The following WDR89 variants were observed in gnomAD, a reference collection of about 807,000 sequenced individuals.
WDR89 encodes the protein WD repeat-containing protein 89.
WDR89 carries 17 observed loss-of-function variants against 29.1 expected under a neutral mutation model. That is an observed-to-expected ratio of 0.58 (90% CI 0.40 to 0.88). WDR89 has a LOEUF of 0.88. Ranked by LOEUF, WDR89 falls within the 40% of genes least tolerant of loss-of-function variation. WDR89 has a pLI of 0.00. For synonymous variants in WDR89, 138 were observed against 157.8 expected, an observed-to-expected ratio of 0.87 and a Z score of 0.94; for missense variants, 396 against 456.3, an observed-to-expected ratio of 0.87 and a Z score of 1.20.
At chr14:63,607,717 A>G (rs1021992518) in intron 2 of WDR89, among the ~76,000 whole-genome samples, 1 of 151,450 alleles carries the variant, frequency 6.6e-6, no homozygotes, top group Admixed American at 6.6e-5. Context: ...ACCCATCTCT[A>G]CTAAAAATAC....
At chr14:63,636,674 C>G (rs893490843) in intron 1 of WDR89, among the ~76,000 whole-genome samples, 1 of 152,114 alleles carries the variant, frequency 6.6e-6, no homozygotes, top group Non-Finnish European at 1.5e-5. Flanking sequence ...GAAAGGACAC[C>G]CTTTTCAACA....
Position 63,599,096 on chromosome 14 carries a change from G to C in WDR89, c.847C>G (p.His283Asp). ...ALDYLIGGLY[H>D]EKTDTLHVIG... ...ACATGCAATGTGTCTGTCTTTTCATGATATAGGCCACCAATCAAATAGTCC... is the reference window on the plus strand; with the variant it reads ...ACATGCAATGTGTCTGTCTTTTCATCATATAGGCCACCAATCAAATAGTCC... Residue 283 changes from histidine to aspartate, a missense_variant, in exon 3 of 3, where the codon CAT becomes GAT. By Grantham distance (81) the His-to-Asp change is moderately conservative (BLOSUM62 -1). Transcript: ENST00000620954. 1.2e-6 allele frequency: 2 copies of C among 1,614,058 alleles called. No individual in the cohort carries two copies. The highest frequency in any genetic ancestry group is 1.7e-6 in the Non-Finnish European group (2 of 1,180,016).
At chr14:63,623,837 C>G (rs1256452758) in intron 2 of WDR89, among the ~76,000 whole-genome samples, 1 of 150,996 alleles carries the variant, frequency 6.6e-6, no homozygotes, top group African/African-American at 2.4e-5. Flanking sequence ...CAAGACCCAA[C>G]TATATGCTAT....
At chr14:63,615,513 A>T (rs866282804) in intron 2 of WDR89, among the ~76,000 whole-genome samples, 9 of 152,274 alleles carry the variant, frequency 5.9e-5, no homozygotes, top group African/African-American at 2.2e-4. Context: ...CCTGTTACAG[A>T]ATGATGTTAA....
Position 63,599,106 on chromosome 14 carries a change from A to G in WDR89, c.837T>C (p.Gly279=). Residue 279 remains glycine (G), a synonymous_variant, in exon 3 of 3, where the codon GGT becomes GGC. Transcript: ENST00000620954. ...TGTCTGTCTTTTCATGATATAGGCCACCAATCAAATAGTCCAAAGCATCTT... is the reference window on the plus strand; with the variant it reads ...TGTCTGTCTTTTCATGATATAGGCCGCCAATCAAATAGTCCAAAGCATCTT... The part of the protein sequence containing the change: ...MKEDALDYLI[G]GLYHEKTDTL... The G allele has an allele frequency of 6.2e-7, 1 of 1,614,114 alleles. No individual in the cohort carries two copies.
At chr14:63,627,182 T>C (rs940820693) in intron 1 of WDR89, among the ~76,000 whole-genome samples, 9 of 138,390 alleles carry the variant, frequency 6.5e-5, no homozygotes, top group African/African-American at 1.6e-4. Flanking sequence ...TCTCTCTCTC[T>C]CCTCTCTAAA....
In WDR89 at chr14:63,598,776, T is replaced by C; in HGVS notation, c.*3A>G. ...CCTACCAAACAAAGTGCCAAATGCA[T>C]TATCACTGCTTTTTCCTTCTTTTAT... On this transcript the variant is annotated 3_prime_UTR_variant, in exon 3 of 3. Transcript: ENST00000620954. 4 of 1,571,490 alleles carry C rather than the reference T, an allele frequency of 2.5e-6. No homozygotes were observed. The highest frequency in any genetic ancestry group is 2.2e-5 in the East Asian group (1 of 44,550).
At chr14:63,625,396 C>CGG (rs879257040) in intron 1 of WDR89, among the ~76,000 whole-genome samples, 13,938 of 152,132 alleles carry the variant, frequency 0.092, 1,252 homozygotes, top group African/African-American at 0.24. Flanking sequence ...ATTCATCAAA[C>CGG]TACATACTTA....
At chr14:63,607,344 T>A (rs1895365826) in intron 2 of WDR89, among the ~76,000 whole-genome samples, 1 of 152,006 alleles carries the variant, frequency 6.6e-6, no homozygotes, top group Non-Finnish European at 1.5e-5. Flanking sequence ...TTTGTATTTT[T>A]AGTAGAGACG....
At chr14:63,628,199 T>C (rs1036430212) in intron 1 of WDR89, among the ~76,000 whole-genome samples, 1 of 152,202 alleles carries the variant, frequency 6.6e-6, no homozygotes, top group African/African-American at 2.4e-5. Context: ...AGGTGAACCA[T>C]GATCACTCCA....
At chr14:63,622,796 T>A (rs948445862) in intron 2 of WDR89, among the ~76,000 whole-genome samples, 9 of 152,012 alleles carry the variant, frequency 5.9e-5, no homozygotes, top group Admixed American at 5.2e-4. Context: ...ATAAAATGCA[T>A]GACAATAATA....
chr14:63,640,959 G>A (rs1322761431), intron 1 of WDR89, among the ~76,000 whole-genome samples: 5 of 149,822 alleles, frequency 3.3e-5, no homozygotes, highest in Non-Finnish European at 7.4e-5. Flanking sequence ...TTAGCCGGGC[G>A]TGGTGCCAGG....
rs534380095 is a variant in WDR89, at chr14:63,625,053, C to G, written c.-137-20G>C. On this transcript the variant is annotated intron_variant, in intron 1 of 2. Transcript: ENST00000620954. ...AAATACCTAGAAAAAAACAGAAATA[C>G]GGGTAAGCTTAAGCACAAAAAAATA... is the stretch of plus-strand genomic sequence containing the variant. 4.6e-5 allele frequency: 7 copies of G among 151,886 alleles called. No homozygotes were observed. Among genetic ancestry groups the G allele is most frequent in the African/African-American group, 1.7e-4 (7 of 41,418 alleles). The allele number at this position is 151,886 out of a possible 1,614,324, so 9.4% of individuals were successfully genotyped here.
At chr14:63,603,744 C>T (rs1287824025) in intron 2 of WDR89, among the ~76,000 whole-genome samples, 5 of 152,180 alleles carry the variant, frequency 3.3e-5, no homozygotes, top group African/African-American at 1.2e-4. Flanking sequence ...ACATGAGAAA[C>T]TCCGTGGAAG....
chr14:63,600,329 G>A (rs909452779), intron 2 of WDR89, among the ~76,000 whole-genome samples: 4 of 151,696 alleles, frequency 2.6e-5, no homozygotes, highest in African/African-American at 7.3e-5. Context: ...CCCCCCCGCC[G>A]TCTCTTCAAA....
intron 2 of WDR89, among the ~76,000 whole-genome samples, chr14:63,612,572 G>A (rs574841869): frequency 1.5e-4 from 23 of 151,880 alleles, no homozygotes; most frequent in South Asian, 8.3e-4. Flanking sequence ...ACCGGGTTTC[G>A]CCATGTTGGC....
intron 1 of WDR89, among the ~76,000 whole-genome samples, chr14:63,635,980 G>A (rs1246862260): frequency 6.6e-6 from 1 of 152,174 alleles, no homozygotes; most frequent in African/African-American, 2.4e-5. Context: ...GCCGGGGCAG[G>A]TGGATCACTT....
chr14:63,630,599 T>G (rs1367771010), intron 1 of WDR89: 1 of 150,264 alleles, frequency 6.7e-6, no homozygotes, highest in Non-Finnish European at 1.5e-5. Flanking sequence ...GCCAAGATTG[T>G]GTCATTGCAC....
chr14:63,639,406 GC>G (rs1883950477), intron 1 of WDR89, among the ~76,000 whole-genome samples: 1 of 146,280 alleles, frequency 6.8e-6, no homozygotes, highest in African/African-American at 2.5e-5. Flanking sequence ...GAGTACATCT[GC>G]ACTCCCCTTT....
Sources: allele counts gnomAD v4.1 joint callset (sites outside exome capture counted in the v4.1 genomes callset), GRCh38; gene constraint gnomAD v4.1.1; transcripts MANE v1.5; gene names NCBI Gene and HGNC (gene_info 2026-07-23, HGNC 2026-07-21).